Variants in RAB27B observed in about 807,000 individuals in gnomAD.
RAB27B encodes ras-related protein Rab-27B.
A neutral mutation model predicts 24.6 loss-of-function variants in RAB27B; 15 were observed. That is an observed-to-expected ratio of 0.61 (90% CI 0.41 to 0.94). The LOEUF is 0.94. Among genes scored for constraint, RAB27B ranks in the 40% least tolerant of loss-of-function variants. The pLI is 0.00. For missense variants in RAB27B, 261 were observed against 266.8 expected (o/e 0.98, Z 0.15); for synonymous variants, 105 against 92.5 (o/e 1.14, Z -0.78).
intron 2 of RAB27B, 124 bp downstream of exon 2, chr18:54,877,862 T>A: frequency 9.9e-7 from 1 of 1,014,808 alleles, no homozygotes; most frequent in Non-Finnish European, 1.4e-6. Context: ...CCTGTCATTT[T>A]AATTTATTTT....
chr18:54,877,733 C>A lies in RAB27B; in HGVS notation c.148C>A (p.Arg50Ser). 2 of 1,578,018 alleles carry A rather than the reference C, an allele frequency of 1.3e-6. No homozygotes were observed. The highest frequency in any genetic ancestry group is 1.7e-6 in the Non-Finnish European group (2 of 1,168,820). The change falls in exon 2 of 6, where the codon CGT becomes AGT. Residue 50 changes from arginine (R) to serine (S), a missense_variant. Arg to Ser is a moderately radical substitution (Grantham distance 110, BLOSUM62 -1). Transcript: ENST00000262094. ...TTVGIDFREK[R>S]VVYNAQGPNG... is the part of the protein sequence containing the mutation. Reference sequence around the variant, plus strand: ...AGTAGGAATAGACTTTCGGGAAAAACGTGTGGTGAGTTTTTAATCGTACTT... The same window carrying A: ...AGTAGGAATAGACTTTCGGGAAAAAAGTGTGGTGAGTTTTTAATCGTACTT...
chr18:54,762,160 T>A (rs1032538860), intron 2 of RAB27B, among the ~76,000 whole-genome samples: 1 of 152,186 alleles, frequency 6.6e-6, no homozygotes, highest in African/African-American at 2.4e-5. Context: ...GTTGACCTCT[T>A]GATTTCACAC....
At chr18:54,740,994 A>G (rs1251070589) in intron 2 of RAB27B, among the ~76,000 whole-genome samples, 1 of 152,210 alleles carries the variant, frequency 6.6e-6, no homozygotes, top group East Asian at 1.9e-4. Context: ...GTTTTTGGTC[A>G]TGATGATAAT....
intron 2 of RAB27B, among the ~76,000 whole-genome samples, chr18:54,735,077 C>G (rs1909848420): frequency 6.6e-6 from 1 of 152,162 alleles, no homozygotes; most frequent in Non-Finnish European, 1.5e-5. Context: ...CATTATAAAA[C>G]TGGCCAATAT....
At chr18:54,824,386 C>CT (rs1395126906), upstream of RAB27B, among the ~76,000 whole-genome samples, 1 of 152,188 alleles carries the variant, frequency 6.6e-6, no homozygotes, top group Non-Finnish European at 1.5e-5. Context: ...GGTAACAACT[C>CT]TAAAAAATCT....
chr18:54,882,937 A>C (rs1257399469), intron 3 of RAB27B, among the ~76,000 whole-genome samples: 1 of 152,140 alleles, frequency 6.6e-6, no homozygotes, highest in Non-Finnish European at 1.5e-5. Flanking sequence ...TGGACACGGG[A>C]AGCCTAATCA....
At chr18:54,845,806 C>G (rs1911314621) in intron 1 of RAB27B, among the ~76,000 whole-genome samples, 1 of 152,194 alleles carries the variant, frequency 6.6e-6, no homozygotes, top group African/African-American at 2.4e-5. Context: ...AGATAACATA[C>G]CATCAATCCT....
intron 2 of RAB27B, among the ~76,000 whole-genome samples, chr18:54,727,045 C>T (rs1013748554): frequency 6.6e-6 from 1 of 152,192 alleles, no homozygotes; most frequent in Non-Finnish European, 1.5e-5. Context: ...TGCAATGGCA[C>T]AATCTCAGCT....
chr18:54,869,541 G>A (rs1912381841), intron 1 of RAB27B, among the ~76,000 whole-genome samples: 1 of 152,168 alleles, frequency 6.6e-6, no homozygotes. Context: ...ATAGAAACTG[G>A]AGTAAAACTG....
At chr18:54,827,490 A>G (rs191763908), upstream of RAB27B, among the ~76,000 whole-genome samples, 18 of 152,256 alleles carry the variant, frequency 1.2e-4, no homozygotes, top group East Asian at 3.5e-3. Context: ...CCATTTTTCC[A>G]CTAGTTTGCT....
chr18:54,797,111 C>G (rs1909445569), intron 2 of RAB27B, among the ~76,000 whole-genome samples: 1 of 152,106 alleles, frequency 6.6e-6, no homozygotes, highest in Non-Finnish European at 1.5e-5. Flanking sequence ...TAAGTGGGTG[C>G]AAATAAATGA....
chr18:54,741,978 A>G (rs758151900), intron 2 of RAB27B, among the ~76,000 whole-genome samples: 21 of 152,196 alleles, frequency 1.4e-4, no homozygotes, highest in Non-Finnish European at 2.5e-4. Flanking sequence ...CTTCTGGCAA[A>G]ATCAGTCTTA....
intron 2 of RAB27B, among the ~76,000 whole-genome samples, chr18:54,815,195 A>G (rs1282799299): frequency 6.6e-6 from 1 of 152,206 alleles, no homozygotes; most frequent in Non-Finnish European, 1.5e-5. Context: ...TGCATGGATT[A>G]TAACTACTTC....
intron 1 of RAB27B, among the ~76,000 whole-genome samples, chr18:54,840,095 G>A (rs1051924085): frequency 2.0e-5 from 3 of 152,086 alleles, no homozygotes; most frequent in Non-Finnish European, 4.4e-5. Flanking sequence ...AATTCTGTCT[G>A]GGCAAATAAT....
intron 1 of RAB27B, among the ~76,000 whole-genome samples, chr18:54,867,324 A>G (rs1276426740): frequency 1.3e-5 from 2 of 152,068 alleles, no homozygotes; most frequent in African/African-American, 4.8e-5. Context: ...TGGCTGTGCT[A>G]TTCCCATTGC....
At chr18:54,828,749 C>T (rs992754341) in intron 1 of RAB27B, 49 bp downstream of exon 1, 2 of 152,402 alleles carry the variant, frequency 1.3e-5, no homozygotes, top group African/African-American at 2.4e-5. Context: ...TCCCACCCAC[C>T]CGGGTGCTGC....
At chr18:54,855,554 G>C (rs1911751531) in intron 1 of RAB27B, among the ~76,000 whole-genome samples, 2 of 152,120 alleles carry the variant, frequency 1.3e-5, no homozygotes, top group African/African-American at 4.8e-5. Flanking sequence ...TCCCTCTTCA[G>C]TAGTCTTACC....
chr18:54,752,084 A>G (rs1486892837), intron 2 of RAB27B, among the ~76,000 whole-genome samples: 2 of 152,208 alleles, frequency 1.3e-5, no homozygotes, highest in African/African-American at 4.8e-5. Context: ...AATTTAGCAC[A>G]TCATGACATA....
At chr18:54,741,423 T>C (rs1910066711) in intron 2 of RAB27B, among the ~76,000 whole-genome samples, 1 of 152,196 alleles carries the variant, frequency 6.6e-6, no homozygotes, top group Non-Finnish European at 1.5e-5. Flanking sequence ...AGAAATATAG[T>C]GGCCATGAGA....
Sources: gnomAD v4.1 joint callset for allele counts (sites outside exome capture counted in the v4.1 genomes callset) on GRCh38, gnomAD v4.1.1 for gene constraint, MANE v1.5 for transcripts, NCBI Gene and HGNC (gene_info 2026-07-23, HGNC 2026-07-21) for gene names.